GDE1: variants seen among roughly 807,000 people sequenced by gnomAD.
GDE1 encodes the protein RGS16-interacting membrane protein.
A neutral mutation model predicts 32.2 loss-of-function variants in GDE1; 24 were observed. The ratio of observed to expected loss-of-function variants is 0.75; its 90% CI spans 0.54 to 1.05. The LOEUF (loss-of-function observed/expected upper bound fraction) is 1.05, where lower values mean the gene tolerates loss of function less well. Ranked by LOEUF, GDE1 falls within the 50% of genes least tolerant of loss-of-function variation. The pLI is 0.00. For missense variants in GDE1, 380 were observed against 415.0 expected, an observed-to-expected ratio of 0.92 and a Z score of 0.73; for synonymous variants, 159 against 158.6, an observed-to-expected ratio of 1.00 and a Z score of -0.02.
Position 19,517,121 on chromosome 16 carries a change from T to G in GDE1, c.330A>C (p.Leu110Phe), listed in dbSNP as rs2151449263. 1 of 1,613,874 alleles carries G rather than the reference T, an allele frequency of 6.2e-7. No individual in the cohort carries two copies. The highest frequency in any genetic ancestry group is 2.2e-5 in the East Asian group (1 of 44,882). ...IEFTSDGIPV[L>F]MHDNTVDRTT... ...TCCTATCTACTGTGTTATCGTGCAT[T>G]AAGACAGGAATCCCGTCAGAAGTAA... Residue 110 changes from leucine to phenylalanine, a missense_variant, in exon 2 of 6, where the codon TTA becomes TTC. Leu to Phe is a conservative substitution (Grantham distance 22). Transcript: ENST00000353258.
intron 2 of GDE1, among the ~76,000 whole-genome samples, chr16:19,515,968 C>T (rs546618320): frequency 2.0e-5 from 3 of 152,078 alleles, no homozygotes; most frequent in East Asian, 3.9e-4. Context: ...GGGTGTTTAC[C>T]GCTGTAAGTG....
rs547952606 is a variant in GDE1, at chr16:19,507,466, A to C, written c.636+221T>G. The stretch of plus-strand genomic sequence containing the variant: ...CTACAGTAATCTGAGTGAGCCTATA[A>C]ACAACATAAAAGAAGGGGCAAAAGA... On this transcript the variant is annotated intron_variant, in intron 4 of 5. Coordinates refer to ENST00000353258, the MANE Select transcript of GDE1 (RefSeq NM_016641.4). Among the ~76,000 whole-genome samples, 5 of 152,322 alleles carry C rather than the reference A, an allele frequency of 3.3e-5. No homozygotes were observed. The South Asian group carries it at 1.0e-3, about 32-fold the overall frequency.
intron 2 of GDE1, among the ~76,000 whole-genome samples, chr16:19,511,247 C>T (rs1597234345): frequency 6.6e-6 from 1 of 152,096 alleles, no homozygotes; most frequent in Admixed American, 6.6e-5. Context: ...GGACTACAGG[C>T]GTGTGACACC....
At chr16:19,516,081 G>C (rs1969377138) in intron 2 of GDE1, among the ~76,000 whole-genome samples, 1 of 152,196 alleles carries the variant, frequency 6.6e-6, no homozygotes, top group African/African-American at 2.4e-5. Context: ...GAAGTATTCA[G>C]AATACACTGT....
At position 19,510,900 on chromosome 16, in the gene GDE1, A is replaced by G; in HGVS notation, c.482T>C (p.Val161Ala). ...DEKIPTLREA[V>A]AECLNHNLTI... is the part of the protein sequence containing the mutation. The stretch of plus-strand genomic sequence containing the variant: ...GAGGTTATGGTTTAGGCACTCTGCA[A>G]CAGCTTCCCTTAGGGTAGGGATCTT... The change falls in exon 3 of 6, where the codon GTT becomes GCT. Residue 161 changes from valine (V) to alanine (A), a missense_variant. Transcript: ENST00000353258. The G allele has an allele frequency of 6.2e-7, 1 of 1,604,514 alleles. No individual in the cohort carries two copies. The highest frequency in any genetic ancestry group is 1.1e-5 in the South Asian group (1 of 89,944).
At chr16:19,520,679 T>C (rs1969440299) in intron 1 of GDE1, among the ~76,000 whole-genome samples, 1 of 150,030 alleles carries the variant, frequency 6.7e-6, no homozygotes, top group Non-Finnish European at 1.5e-5. Context: ...GCGTGGAGAT[T>C]GCACCACTGC....
At chr16:19,509,751 C>G (rs184770389) in intron 3 of GDE1, among the ~76,000 whole-genome samples, 2,656 of 151,360 alleles carry the variant, frequency 0.018, 38 homozygotes, top group Non-Finnish European at 0.028. Context: ...ACCTCTGTCT[C>G]CCCGGTTCAA....
At position 19,521,829 on chromosome 16, in the gene GDE1, T is replaced by C; in HGVS notation, c.136A>G (p.Ser46Gly). 6.2e-7 allele frequency: 1 copy of C among 1,610,878 alleles called. No homozygotes were observed. The highest frequency in any genetic ancestry group is 8.5e-7 in the Non-Finnish European group (1 of 1,179,156). The change falls in exon 1 of 6, where the codon AGC becomes GGC. Residue 46 changes from serine to glycine, a missense_variant. Transcript: ENST00000353258. ...GSLFVLLRVF[S>G]FEPVPSCRAL... ...CTGCAAGAGGGCACCGGCTCAAAGC[T>C]GAAGACGCGCAGTAGAACGAAGAGG...
intron 5 of GDE1, chr16:19,503,888 T>G (rs751226038): frequency 2.8e-6 from 1 of 353,264 alleles, no homozygotes; most frequent in Non-Finnish European, 5.1e-6. Context: ...GTGCCTGACC[T>G]GGCCCCGACC....
chr16:19,511,729 C>G (rs909987217), intron 2 of GDE1, among the ~76,000 whole-genome samples: 1 of 152,140 alleles, frequency 6.6e-6, no homozygotes, highest in African/African-American at 2.4e-5. Flanking sequence ...CCAAACCCTT[C>G]CCAGCCTCTG....
chr16:19,510,972 G>T, intron 2 of GDE1, 28 bp from the exon 3 acceptor site: 3 of 1,120,608 alleles, frequency 2.7e-6, no homozygotes, highest in Non-Finnish European at 4.0e-6. Flanking sequence ...ATACGTTGTA[G>T]GAAAAAAGAG....
intron 1 of GDE1, among the ~76,000 whole-genome samples, chr16:19,520,419 AG>A (rs1446231402): frequency 1.3e-5 from 2 of 150,024 alleles, no homozygotes; most frequent in African/African-American, 2.5e-5. Context: ...AAAAAAAAAA[AG>A]AAAAAAAAAG....
Position 19,517,109 on chromosome 16 carries a change from G to A in GDE1, c.342C>T (p.Asn114=), listed in dbSNP as rs1243923591. ...SDGIPVLMHD[N]TVDRTTDGTG... Reference sequence around the variant, plus strand: ...TCCCATCAGTCGTCCTATCTACTGTGTTATCGTGCATTAAGACAGGAATCC... The same window carrying A: ...TCCCATCAGTCGTCCTATCTACTGTATTATCGTGCATTAAGACAGGAATCC... Residue 114 remains asparagine, a synonymous_variant, in exon 2 of 6, where the codon AAC becomes AAT. Transcript: ENST00000353258. 6.2e-7 allele frequency: 1 copy of A among 1,613,170 alleles called. No individual in the cohort carries two copies. The highest frequency in any genetic ancestry group is 1.3e-5 in the African/African-American group (1 of 74,888).
At chr16:19,510,816 G>A (rs766827119) in intron 3 of GDE1, 23 bp downstream of exon 3, 2 of 1,090,892 alleles carry the variant, frequency 1.8e-6, no homozygotes, top group African/African-American at 1.6e-5. Flanking sequence ...TTAACAAAGT[G>A]AAGTCCACAA....
chr16:19,506,324 CAGAGAGAG>C (rs374123439), intron 4 of GDE1, among the ~76,000 whole-genome samples: 8 of 150,728 alleles, frequency 5.3e-5, no homozygotes, highest in African/African-American at 2.0e-4. Context: ...ACAAAAAAAA[CAGAGAGAG>C]AGAGAGACAG....
intron 5 of GDE1, 78 bp downstream of exon 5, chr16:19,504,803 C>T: frequency 1.1e-6 from 1 of 911,988 alleles, no homozygotes; most frequent in Non-Finnish European, 1.7e-6. Context: ...TTCAGGTTGT[C>T]TACTCTGTTA....
intron 3 of GDE1, among the ~76,000 whole-genome samples, chr16:19,510,328 T>C (rs1218800503): frequency 6.6e-6 from 1 of 152,222 alleles, no homozygotes; most frequent in Non-Finnish European, 1.5e-5. Flanking sequence ...ACATAAGGGA[T>C]ATAAATTATA....
intron 3 of GDE1, among the ~76,000 whole-genome samples, chr16:19,510,200 T>C (rs1407355000): frequency 6.6e-6 from 1 of 152,218 alleles, no homozygotes; most frequent in Non-Finnish European, 1.5e-5. Flanking sequence ...CTTATGAGTG[T>C]AAGTGCAGGC....
Position 19,510,872 on chromosome 16 carries a change from T to G in GDE1, c.510A>C (p.Thr170=), listed in dbSNP as rs758278154. ...AVAECLNHNL[T]IFFDVKGHAH... ...CATGGCCTTTGACATCAAAGAAGAT[T>G]GTGAGGTTATGGTTTAGGCACTCTG... Residue 170 remains threonine (T), a synonymous_variant, in exon 3 of 6, where the codon ACA becomes ACC. Coordinates refer to ENST00000353258, the MANE Select transcript of GDE1 (RefSeq NM_016641.4). The G allele has an allele frequency of 6.3e-6, 10 of 1,598,030 alleles. No homozygotes were observed. Among genetic ancestry groups the G allele is most frequent in the Non-Finnish European group, 8.5e-6 (10 of 1,169,774 alleles).
Sources: allele counts gnomAD v4.1 joint callset (sites outside exome capture counted in the v4.1 genomes callset), GRCh38; gene constraint gnomAD v4.1.1; transcripts MANE v1.5; gene names NCBI Gene and HGNC (gene_info 2026-07-23, HGNC 2026-07-21).